The following IL1RAPL1 variants were observed in gnomAD, a reference collection of about 807,000 sequenced individuals.
IL1RAPL1 encodes the protein interleukin-1 receptor accessory protein-like 1.
IL1RAPL1 carries 3 observed loss-of-function variants against 48.4 expected under a neutral mutation model. The ratio of observed to expected loss-of-function variants is 0.06; its 90% confidence interval spans 0.03 to 0.16. The LOEUF (loss-of-function observed/expected upper bound fraction) is 0.16. IL1RAPL1 is among the 10% of genes least tolerant of loss of function. The probability of loss-of-function intolerance (pLI) is 1.00; values close to 1 mark genes in which losing one functional copy is unlikely to be tolerated. For missense variants in IL1RAPL1, 349 were observed against 530.6 expected, an observed-to-expected ratio of 0.66 and a Z score of 3.36; for synonymous variants, 185 against 187.7, an observed-to-expected ratio of 0.99 and a Z score of 0.12.
chrX:29,284,180 G>A (rs1240541478), intron 3 of IL1RAPL1, among the ~76,000 whole-genome samples: 3 of 111,743 alleles, frequency 2.7e-5, no homozygotes, highest in South Asian at 3.7e-4. Flanking sequence ...AAAATTTACC[G>A]CTCCTGAAAT....
chrX:28,967,474 TA>T (rs1002795944), intron 2 of IL1RAPL1, among the ~76,000 whole-genome samples: 2 of 109,957 alleles, frequency 1.8e-5, no homozygotes, highest in African/African-American at 3.3e-5. Context: ...GTTAAGCCAT[TA>T]AAAAAAAATT....
intron 5 of IL1RAPL1, among the ~76,000 whole-genome samples, chrX:29,641,099 A>G (rs1156417906): frequency 8.9e-6 from 1 of 112,393 alleles, no homozygotes; most frequent in African/African-American, 3.2e-5. Flanking sequence ...TGAACCCAGG[A>G]GATCAAGGCT....
chrX:29,886,337 C>A (rs1280115354), intron 6 of IL1RAPL1, among the ~76,000 whole-genome samples: 1 of 112,064 alleles, frequency 8.9e-6, no homozygotes, highest in African/African-American at 3.2e-5. Flanking sequence ...TAACTTATTC[C>A]TTTTCATCTG....
chrX:29,529,348 C>A (rs1235000688), intron 5 of IL1RAPL1, among the ~76,000 whole-genome samples: 1 of 110,886 alleles, frequency 9.0e-6, no homozygotes, highest in African/African-American at 3.3e-5. Flanking sequence ...AATCCCAGCA[C>A]TTTGGGGGTC....
intron 2 of IL1RAPL1, among the ~76,000 whole-genome samples, chrX:29,086,124 T>G (rs1927946805): frequency 8.9e-6 from 1 of 112,216 alleles, no homozygotes; most frequent in Non-Finnish European, 1.9e-5. Flanking sequence ...CTTAGTGGGT[T>G]GATTTCAGTG....
At chrX:28,899,978 C>G (rs1180445886) in intron 2 of IL1RAPL1, among the ~76,000 whole-genome samples, 1 of 112,162 alleles carries the variant, frequency 8.9e-6, no homozygotes, top group Non-Finnish European at 1.9e-5. Context: ...ATGACTGTTA[C>G]TGACCAATTC....
chrX:29,886,192 T>C (rs1216884125), intron 6 of IL1RAPL1, among the ~76,000 whole-genome samples: 1 of 112,410 alleles, frequency 8.9e-6, no homozygotes, highest in Non-Finnish European at 1.9e-5. Context: ...ACTCAGTGTT[T>C]CAAAACCATT....
chrX:28,762,215 T>A (rs1936181161), intron 1 of IL1RAPL1, among the ~76,000 whole-genome samples: 2 of 111,462 alleles, frequency 1.8e-5, no homozygotes, highest in South Asian at 7.5e-4. Flanking sequence ...ACATTATAAA[T>A]GATGAAAGAC....
intron 5 of IL1RAPL1, among the ~76,000 whole-genome samples, chrX:29,418,092 TATATATA>T (rs1448233849): frequency 3.0e-4 from 14 of 47,398 alleles, no homozygotes; most frequent in African/African-American, 1.2e-3. Context: ...AAAAAAGTAA[TATATATA>T]TATATATATA....
At chrX:28,828,577 C>T (rs1349855915) in intron 2 of IL1RAPL1, among the ~76,000 whole-genome samples, 2 of 111,602 alleles carry the variant, frequency 1.8e-5, no homozygotes, top group Non-Finnish European at 3.8e-5. Flanking sequence ...AAACATTAAT[C>T]GTTTACTTGT....
At chrX:29,634,765 A>C (rs1259511190) in intron 5 of IL1RAPL1, among the ~76,000 whole-genome samples, 1 of 112,078 alleles carries the variant, frequency 8.9e-6, no homozygotes, top group African/African-American at 3.2e-5. Context: ...CTCACTTATA[A>C]ATAGCAGTGG....
At chrX:28,824,599 G>A (rs1375577194) in intron 2 of IL1RAPL1, among the ~76,000 whole-genome samples, 8 of 111,100 alleles carry the variant, frequency 7.2e-5, no homozygotes, top group Non-Finnish European at 1.5e-4. Context: ...CCAGGGAAGA[G>A]AAAACACATC....
At chrX:28,946,063 T>C (rs1924294815) in intron 2 of IL1RAPL1, among the ~76,000 whole-genome samples, 1 of 109,663 alleles carries the variant, frequency 9.1e-6, no homozygotes, top group Non-Finnish European at 1.9e-5. Flanking sequence ...TACAAATATA[T>C]AGTGAGCCTA....
chrX:29,425,213 C>T (rs1271410987), intron 5 of IL1RAPL1, among the ~76,000 whole-genome samples: 3 of 112,157 alleles, frequency 2.7e-5, no homozygotes, highest in African/African-American at 9.7e-5. Context: ...GACTCCAACA[C>T]ATACACATAA....
At chrX:29,927,651 C>T (rs1463423485) in intron 8 of IL1RAPL1, among the ~76,000 whole-genome samples, 2 of 111,538 alleles carry the variant, frequency 1.8e-5, no homozygotes, top group Non-Finnish European at 3.8e-5. Context: ...AATGTCTCAA[C>T]GACATATATA....
intron 5 of IL1RAPL1, among the ~76,000 whole-genome samples, chrX:29,663,638 C>T (rs1258013657): frequency 8.9e-6 from 1 of 111,983 alleles, no homozygotes; most frequent in Non-Finnish European, 1.9e-5. Flanking sequence ...CATTGCCTTG[C>T]ATATTTAAAA....
chrX:29,726,934 T>C (rs760612805), intron 6 of IL1RAPL1, among the ~76,000 whole-genome samples: 3 of 112,288 alleles, frequency 2.7e-5, no homozygotes, highest in African/African-American at 6.5e-5. Context: ...AATGCCTTCA[T>C]TGCAATGAGT....
chrX:28,768,471 G>A (rs903813255), intron 1 of IL1RAPL1, among the ~76,000 whole-genome samples: 2 of 108,926 alleles, frequency 1.8e-5, no homozygotes, highest in African/African-American at 6.7e-5. Flanking sequence ...CAACATTAGT[G>A]TATAGATTGT....
chrX:29,887,857 C>T (rs2147219294), intron 6 of IL1RAPL1, among the ~76,000 whole-genome samples: 1 of 110,999 alleles, frequency 9.0e-6, no homozygotes, highest in East Asian at 2.8e-4. Context: ...ACTGGTTAGT[C>T]TTCCTTATTG....
Sources: allele counts gnomAD v4.1 joint callset (sites outside exome capture counted in the v4.1 genomes callset), GRCh38; gene constraint gnomAD v4.1.1; transcripts MANE v1.5; gene names NCBI Gene and HGNC (gene_info 2026-07-23, HGNC 2026-07-21).